Variants in RGL1 observed in about 807,000 individuals in gnomAD.
RGL1 encodes ral guanine nucleotide dissociation stimulator-like 1.
In RGL1, 24 loss-of-function variants were observed where a neutral mutation model predicts 95.2. The observed-to-expected ratio is 0.25, with a 90% CI of 0.18 to 0.35. The LOEUF (loss-of-function observed/expected upper bound fraction) is 0.35. Among genes scored for constraint, RGL1 ranks in the 10% least tolerant of loss-of-function variants. The probability of loss-of-function intolerance (pLI) is 1.00; values close to 1 mark genes in which losing one functional copy is unlikely to be tolerated. For synonymous variants in RGL1, 329 were observed against 344.9 expected (o/e 0.95, Z 0.51); for missense variants, 715 against 936.3 (o/e 0.76, Z 3.08).
chr1:183,896,165 C>G (rs1170008413), intron 9 of RGL1, among the ~76,000 whole-genome samples: 1 of 152,176 alleles, frequency 6.6e-6, no homozygotes, highest in Non-Finnish European at 1.5e-5. Flanking sequence ...AGCAAATTCT[C>G]AAGAATTTCG....
chr1:183,907,586 G>A (rs773728050), intron 14 of RGL1, among the ~76,000 whole-genome samples: 6 of 152,134 alleles, frequency 3.9e-5, no homozygotes, highest in Non-Finnish European at 7.3e-5. Flanking sequence ...GCTGTGCCTG[G>A]CCTGAAATGC....
Position 183,790,147 on chromosome 1 carries a change from G to A in RGL1, c.133-16228G>A, listed in dbSNP as rs562990668. Reference sequence around the variant, plus strand: ...CACCATGTTGGTCATAGCTGGTCTCGAACTCCTGACATCAAGTGATGCACC... The same window carrying A: ...CACCATGTTGGTCATAGCTGGTCTCAAACTCCTGACATCAAGTGATGCACC... On this transcript the variant is annotated intron_variant, in intron 2 of 18. Coordinates refer to the RGL1 transcript ENST00000304685. 9.2e-5 allele frequency among the ~76,000 whole-genome samples: 14 copies of A among 151,872 alleles called. No homozygotes were observed. The South Asian group carries it at 2.7e-3, about 29-fold the overall frequency.
At chr1:183,835,987 C>A (rs1663622756) in intron 2 of RGL1, among the ~76,000 whole-genome samples, 1 of 152,084 alleles carries the variant, frequency 6.6e-6, no homozygotes, top group Non-Finnish European at 1.5e-5. Flanking sequence ...GGTTTTATAT[C>A]CTTGCTTTAA....
intron 1 of RGL1, among the ~76,000 whole-genome samples, chr1:183,721,738 G>A (rs1656024040): frequency 6.6e-6 from 1 of 152,144 alleles, no homozygotes. Context: ...TCTTAGCTTG[G>A]AATGTGTTTT....
At chr1:183,909,330 T>C (rs1668517453) in intron 14 of RGL1, among the ~76,000 whole-genome samples, 1 of 152,168 alleles carries the variant, frequency 6.6e-6, no homozygotes, top group Non-Finnish European at 1.5e-5. Flanking sequence ...TAGGCCTAGT[T>C]TGAAAGTTAG....
intron 2 of RGL1, among the ~76,000 whole-genome samples, chr1:183,842,649 T>C (rs1664140924): frequency 6.6e-6 from 1 of 152,228 alleles, no homozygotes; most frequent in African/African-American, 2.4e-5. Context: ...TACCGTGATC[T>C]TGTCAGTAAA....
chr1:183,641,703 C>G (rs954523276), intron 1 of RGL1, among the ~76,000 whole-genome samples: 1 of 152,092 alleles, frequency 6.6e-6, no homozygotes, highest in Non-Finnish European at 1.5e-5. Context: ...TTTCTATGCT[C>G]TGCAATAGTT....
intron 2 of RGL1, among the ~76,000 whole-genome samples, chr1:183,786,007 G>A (rs1660138829): frequency 1.3e-5 from 2 of 152,122 alleles, no homozygotes; most frequent in African/African-American, 4.8e-5. Flanking sequence ...GAGCCCAGGA[G>A]TTTGATGCTG....
At chr1:183,678,254 G>A (rs1036200265) in intron 1 of RGL1, among the ~76,000 whole-genome samples, 2 of 152,142 alleles carry the variant, frequency 1.3e-5, no homozygotes, top group South Asian at 4.1e-4. Flanking sequence ...GAATAGATTG[G>A]TGCACCAAAG....
At chr1:183,750,702 A>G (rs1657935496) in intron 2 of RGL1, among the ~76,000 whole-genome samples, 1 of 152,164 alleles carries the variant, frequency 6.6e-6, no homozygotes, top group African/African-American at 2.4e-5. Context: ...GGATTTATCT[A>G]CCTTTGATCT....
chr1:183,655,639 TC>T (rs1305191240), intron 1 of RGL1, among the ~76,000 whole-genome samples: 1 of 152,134 alleles, frequency 6.6e-6, no homozygotes, highest in African/African-American at 2.4e-5. Flanking sequence ...ATCTTCGAGC[TC>T]GGGGGGTTAT....
intron 2 of RGL1, among the ~76,000 whole-genome samples, chr1:183,744,692 CTTGT>C (rs1240599091): frequency 3.9e-5 from 6 of 152,096 alleles, no homozygotes; most frequent in Non-Finnish European, 8.8e-5. Flanking sequence ...ACTTCTACAG[CTTGT>C]TTTTTTGTTT....
chr1:183,710,755 C>T (rs1655213832), intron 1 of RGL1, among the ~76,000 whole-genome samples: 2 of 152,166 alleles, frequency 1.3e-5, no homozygotes, highest in South Asian at 4.1e-4. Flanking sequence ...ATCAAGAGAA[C>T]AGCATGGGAA....
intron 1 of RGL1, among the ~76,000 whole-genome samples, chr1:183,695,847 A>G (rs1227605606): frequency 6.6e-6 from 1 of 152,134 alleles, no homozygotes; most frequent in African/African-American, 2.4e-5. Flanking sequence ...TTAATATCTA[A>G]TATATTTTAA....
chr1:183,914,003 G>A (rs999532972), intron 15 of RGL1, among the ~76,000 whole-genome samples: 3 of 152,164 alleles, frequency 2.0e-5, no homozygotes, highest in African/African-American at 4.8e-5. Context: ...GTCATTCTTC[G>A]TGACTTGACA....
intron 1 of RGL1, among the ~76,000 whole-genome samples, chr1:183,639,882 C>T (rs1212632630): frequency 6.6e-6 from 1 of 151,094 alleles, no homozygotes; most frequent in Non-Finnish European, 1.5e-5. Flanking sequence ...CTCACTCTGT[C>T]GCCAGGCTAG....
chr1:183,912,256 G>A lies in RGL1; in HGVS notation c.1737G>A (p.Glu579=), dbSNP rs1257751495. ...GSITPMDTPD[E]PQKKLSESSS... is the part of the protein sequence containing the mutation. The stretch of plus-strand genomic sequence containing the variant: ...TTACTCCCATGGACACCCCTGATGA[G>A]CCTCAAAAAAAGGTATATACTCAAC... Residue 579 remains glutamate, a synonymous_variant, in exon 15 of 18, where the codon GAG becomes GAA. Transcript: ENST00000360851. 6.2e-7 allele frequency: 1 copy of A among 1,610,822 alleles called. No homozygotes were observed. The highest frequency in any genetic ancestry group is 8.5e-7 in the Non-Finnish European group (1 of 1,179,114).
At chr1:183,848,725 G>A (rs1664613999) in intron 3 of RGL1, among the ~76,000 whole-genome samples, 1 of 152,028 alleles carries the variant, frequency 6.6e-6, no homozygotes, top group African/African-American at 2.4e-5. Context: ...GTAGTAAGAA[G>A]AAAATTAAAT....
At chr1:183,847,457 T>A in intron 2 of RGL1, 109 bp from the exon 3 acceptor site, 1 of 913,304 alleles carries the variant, frequency 1.1e-6, no homozygotes. Context: ...AATAAATAAA[T>A]AAGAATGAGA....
Sources: gnomAD v4.1 joint callset for allele counts (sites outside exome capture counted in the v4.1 genomes callset) on GRCh38, gnomAD v4.1.1 for gene constraint, MANE v1.5 for transcripts, NCBI Gene and HGNC (gene_info 2026-07-23, HGNC 2026-07-21) for gene names.